The following NANS variants were observed in gnomAD, a reference collection of about 807,000 sequenced individuals.
NANS encodes N-acetylneuraminate synthase, also known as N-acetylneuraminate-9-phosphate synthase.
In NANS, 29 loss-of-function variants were observed where a neutral mutation model predicts 33.3. The ratio of observed to expected loss-of-function variants is 0.87; its 90% CI spans 0.65 to 1.19. The LOEUF (loss-of-function observed/expected upper bound fraction) is 1.19. Ranked by LOEUF, NANS falls within the 50% of genes most tolerant of loss-of-function variation. The probability of loss-of-function intolerance (pLI) is 0.00; values close to 1 mark genes in which losing one functional copy is unlikely to be tolerated. For synonymous variants in NANS, 163 were observed against 177.2 expected (o/e 0.92, Z 0.64); for missense variants, 394 against 461.1 (o/e 0.85, Z 1.33).
intron 3 of NANS, 40 bp downstream of exon 3, chr9:98,077,057 A>G: frequency 6.8e-7 from 1 of 1,469,130 alleles, no homozygotes; most frequent in Non-Finnish European, 9.4e-7. Flanking sequence ...AAGGGAGTCC[A>G]AACCTTCATA....
At position 98,060,876 on chromosome 9, in the gene NANS, C is replaced by G; in HGVS notation, c.227C>G (p.Ser76Cys). 6.2e-7 allele frequency: 1 copy of G among 1,614,158 alleles called. No individual in the cohort carries two copies. The highest frequency in any genetic ancestry group is 8.5e-7 in the Non-Finnish European group (1 of 1,180,034). Residue 76 changes from serine (S) to cysteine (C), a missense_variant, in exon 2 of 6, where the codon TCC becomes TGC. Coordinates refer to ENST00000210444, the MANE Select transcript of NANS (RefSeq NM_018946.4). ...ALERPYTSKH[S>C]WGKTYGEHKR... is the part of the protein sequence containing the mutation. ...GAGAGGCCATACACCTCGAAGCATT[C>G]CTGGGGGAAGACGTACGGGGAGCAC...
At chr9:98,070,662 C>T (rs573087865) in intron 2 of NANS, among the ~76,000 whole-genome samples, 37 of 151,582 alleles carry the variant, frequency 2.4e-4, no homozygotes, top group African/African-American at 8.0e-4. Context: ...TCAGGTGATC[C>T]GCCCACCTTG....
chr9:98,079,030 T>A (rs1213357750), intron 4 of NANS, among the ~76,000 whole-genome samples: 1 of 152,162 alleles, frequency 6.6e-6, no homozygotes, highest in Non-Finnish European at 1.5e-5. Context: ...TATTTTCTAA[T>A]GCTGAGCATC....
At position 98,076,938 on chromosome 9, in the gene NANS, T is replaced by C; in HGVS notation, c.369T>C (p.His123=). Residue 123 remains histidine, a synonymous_variant, in exon 3 of 6, where the codon CAT becomes CAC. Coordinates refer to ENST00000210444, the MANE Select transcript of NANS (RefSeq NM_018946.4). ...TGTAGATGGCAGTTGAATTCCTGCA[T>C]GAACTGAATGTTCCATTTTTCAAAG... is the stretch of plus-strand genomic sequence containing the variant. ...GMDEMAVEFL[H]ELNVPFFKVG... 1.9e-6 allele frequency: 3 copies of C among 1,612,170 alleles called. No individual in the cohort carries two copies. The highest frequency in any genetic ancestry group is 2.5e-6 in the Non-Finnish European group (3 of 1,179,438).
intron 2 of NANS, among the ~76,000 whole-genome samples, chr9:98,065,500 T>TTTTTC (rs1391247883): frequency 2.2e-5 from 3 of 138,818 alleles, no homozygotes; most frequent in African/African-American, 8.3e-5. Flanking sequence ...TTTTTTTTTT[T>TTTTTC]TTTTTTTTTT....
Position 98,080,822 on chromosome 9 carries a change from C to G in NANS, c.610C>G (p.Gln204Glu). The G allele has an allele frequency of 6.3e-7, 1 of 1,576,598 alleles. No homozygotes were observed. Among genetic ancestry groups the G allele is most frequent in the Middle Eastern group, 1.7e-4 (1 of 5,842 alleles). The stretch of plus-strand genomic sequence containing the variant: ...TTCTTTTTCCATTTTAAAGGAATAT[C>G]AGAAGCTCTTTCCTGACATTCCCAT... The part of the protein sequence containing the change: ...DVNLRVISEY[Q>E]KLFPDIPIGY... Residue 204 changes from glutamine to glutamate, a missense_variant, in exon 5 of 6, where the codon CAG becomes GAG. Physicochemically the swap from Gln to Glu is conservative, Grantham distance 29. Transcript: ENST00000210444.
chr9:98,080,362 ATTAT>A (rs1472807916), intron 4 of NANS, among the ~76,000 whole-genome samples: 4 of 152,214 alleles, frequency 2.6e-5, no homozygotes, highest in East Asian at 3.8e-4. Context: ...TAACGGATTA[ATTAT>A]TTATCATTTT....
intron 4 of NANS, among the ~76,000 whole-genome samples, chr9:98,080,348 T>C (rs139803091): frequency 3.3e-5 from 5 of 152,384 alleles, no homozygotes; most frequent in African/African-American, 7.2e-5. Flanking sequence ...CAGTGAATTA[T>C]AGATAACGGA....
At chr9:98,073,311 G>A (rs1273930081) in intron 2 of NANS, among the ~76,000 whole-genome samples, 2 of 112,506 alleles carry the variant, frequency 1.8e-5, no homozygotes, top group African/African-American at 7.3e-5. Context: ...TTGAGACGGA[G>A]TCTTGCTCTG....
At chr9:98,057,922 G>GGTT (rs1828874778) in intron 1 of NANS, among the ~76,000 whole-genome samples, 2 of 78,084 alleles carry the variant, frequency 2.6e-5, no homozygotes, top group African/African-American at 5.4e-5. Context: ...TTTTTTCCTG[G>GGTT]TTTTTTTTTT....
At chr9:98,064,546 G>A (rs796316745) in intron 2 of NANS, among the ~76,000 whole-genome samples, 9 of 152,152 alleles carry the variant, frequency 5.9e-5, no homozygotes, top group African/African-American at 1.9e-4. Context: ...GTAAGCCACC[G>A]CACCCGCCCT....
chr9:98,064,851 C>T (rs977983802), intron 2 of NANS, among the ~76,000 whole-genome samples: 1 of 152,228 alleles, frequency 6.6e-6, no homozygotes, highest in African/African-American at 2.4e-5. Flanking sequence ...TCTCCGCATG[C>T]ACCACGCTCG....
intron 2 of NANS, among the ~76,000 whole-genome samples, chr9:98,066,072 C>T (rs1406153975): frequency 2.0e-5 from 3 of 152,208 alleles, no homozygotes; most frequent in African/African-American, 4.8e-5. Flanking sequence ...GTCATCCCTC[C>T]TCCTCCATAG....
At chr9:98,076,883 ATGGT>A in intron 2 of NANS, 31 bp from the exon 3 acceptor site, 1 of 1,534,734 alleles carries the variant, frequency 6.5e-7, no homozygotes, top group Non-Finnish European at 9.0e-7. Flanking sequence ...TTTTTGGACA[ATGGT>A]GAAAAGGAGC....
chr9:98,067,333 A>C (rs1829177613), intron 2 of NANS, among the ~76,000 whole-genome samples: 1 of 152,186 alleles, frequency 6.6e-6, no homozygotes, highest in Non-Finnish European at 1.5e-5. Flanking sequence ...GAACTGCCAG[A>C]CTGCTTGCCA....
chr9:98,072,745 A>G (rs1829399549), intron 2 of NANS, among the ~76,000 whole-genome samples: 1 of 152,050 alleles, frequency 6.6e-6, no homozygotes, highest in African/African-American at 2.4e-5. Context: ...ACGAGAGTTA[A>G]TTTACCTTGC....
intron 2 of NANS, among the ~76,000 whole-genome samples, chr9:98,065,751 CA>C (rs1829130027): frequency 6.6e-6 from 1 of 151,830 alleles, no homozygotes; most frequent in East Asian, 1.9e-4. Context: ...GGGAGGGACC[CA>C]AAGGGAGGTA....
At chr9:98,076,706 C>T (rs114643249) in intron 2 of NANS, 20 of 531,808 alleles carry the variant, frequency 3.8e-5, no homozygotes, top group African/African-American at 2.6e-4. Context: ...CAGCACCAAA[C>T]GTTTGTTGGG....
intron 2 of NANS, among the ~76,000 whole-genome samples, chr9:98,067,193 G>A (rs773706239): frequency 1.3e-5 from 2 of 152,084 alleles, no homozygotes; most frequent in Non-Finnish European, 2.9e-5. Flanking sequence ...CTCTTTGGCT[G>A]TTATGAATAA....
Sources: gnomAD v4.1 joint callset for allele counts (sites outside exome capture counted in the v4.1 genomes callset) on GRCh38, gnomAD v4.1.1 for gene constraint, MANE v1.5 for transcripts, NCBI Gene and HGNC (gene_info 2026-07-23, HGNC 2026-07-21) for gene names.